CFAP299: variants seen among roughly 807,000 people sequenced by gnomAD.
CFAP299 encodes the protein cilia and flagella associated protein 299, also known as cilia- and flagella-associated protein 299.
In CFAP299, 21 loss-of-function variants were observed where a neutral mutation model predicts 27.0. The ratio of observed to expected loss-of-function variants is 0.78; its 90% CI spans 0.55 to 1.12. The LOEUF is 1.12. Among genes scored for constraint, CFAP299 ranks in the 50% most tolerant of loss-of-function variants. The pLI, the probability that CFAP299 is intolerant of heterozygous loss-of-function variation, is 0.00. For synonymous variants in CFAP299, 104 were observed against 98.1 expected (o/e 1.06, Z -0.36); for missense variants, 310 against 276.6 (o/e 1.12, Z -0.86).
chr4:80,928,370 C>A (rs1736407557), intron 4 of CFAP299, among the ~76,000 whole-genome samples: 1 of 152,076 alleles, frequency 6.6e-6, no homozygotes, highest in Non-Finnish European at 1.5e-5. Flanking sequence ...TCCCATTATA[C>A]TGATTTCTTT....
At chr4:80,428,972 A>G (rs79950287) in intron 2 of CFAP299, among the ~76,000 whole-genome samples, 2,178 of 152,266 alleles carry the variant, frequency 0.014, 58 homozygotes, top group African/African-American at 0.049. Context: ...GATTCATTCT[A>G]TTTGGCAAGA....
intron 4 of CFAP299, chr4:80,872,237 G>C (rs770223119): frequency 6.6e-6 from 1 of 152,040 alleles, no homozygotes; most frequent in South Asian, 2.1e-4. Flanking sequence ...TCCTGAGCTC[G>C]ATCAGTAGGT....
At chr4:80,737,255 T>C (rs1723960783) in intron 3 of CFAP299, among the ~76,000 whole-genome samples, 1 of 151,770 alleles carries the variant, frequency 6.6e-6, no homozygotes, top group Non-Finnish European at 1.5e-5. Context: ...ATGTCACATG[T>C]ATACATATGT....
intron 2 of CFAP299, among the ~76,000 whole-genome samples, chr4:80,461,670 G>A (rs1348422750): frequency 1.3e-5 from 2 of 152,040 alleles, no homozygotes; most frequent in African/African-American, 4.8e-5. Flanking sequence ...CTAAGGGAGT[G>A]GTCCATTCAG....
In CFAP299 at chr4:80,362,837, G is replaced by A; in HGVS notation, c.195G>A (p.Arg65=). ...ERVKREDFEA[R]KAAIEIARLA... is the part of the protein sequence containing the mutation. ...TGAAAAGGGAAGATTTTGAAGCAAG[G>A]AAAGCGGCTATAGAGATTGCAAGAC... is the stretch of plus-strand genomic sequence containing the variant. Residue 65 remains arginine, a synonymous_variant, in exon 2 of 6, where the codon AGG becomes AGA. Transcript: ENST00000358105. 2.5e-6 allele frequency: 4 copies of A among 1,613,272 alleles called. No homozygotes were observed. The South Asian group carries it at 4.4e-5, about 18-fold the overall frequency.
intron 4 of CFAP299, chr4:80,871,501 G>A (rs2110169022): frequency 1.0e-6 from 1 of 985,274 alleles, no homozygotes; most frequent in Non-Finnish European, 1.2e-6. Flanking sequence ...TAAAACTTAT[G>A]TTCAAAATTA....
At chr4:80,818,425 T>C (rs868285331) in intron 3 of CFAP299, among the ~76,000 whole-genome samples, 4 of 152,312 alleles carry the variant, frequency 2.6e-5, no homozygotes, top group Middle Eastern at 3.4e-3. Flanking sequence ...TACCTCTTTG[T>C]ATAATAGATT....
At chr4:80,657,706 G>A (rs1165292450) in intron 3 of CFAP299, among the ~76,000 whole-genome samples, 1 of 151,934 alleles carries the variant, frequency 6.6e-6, no homozygotes, top group East Asian at 1.9e-4. Flanking sequence ...GTCTTTGCTA[G>A]ATGGGCTCTT....
chr4:80,865,972 G>C (rs1021723181), intron 3 of CFAP299, among the ~76,000 whole-genome samples: 3 of 146,434 alleles, frequency 2.0e-5, no homozygotes, highest in Admixed American at 7.0e-5. Context: ...TAAGGTAAAT[G>C]ACGAGTTAAT....
At chr4:80,670,008 C>G (rs1325078093) in intron 3 of CFAP299, among the ~76,000 whole-genome samples, 1 of 149,876 alleles carries the variant, frequency 6.7e-6, no homozygotes, top group Non-Finnish European at 1.5e-5. Context: ...TAAAAATATA[C>G]TTTAAGTTCT....
At chr4:80,569,517 A>C (rs547634026) in intron 2 of CFAP299, among the ~76,000 whole-genome samples, 1 of 152,034 alleles carries the variant, frequency 6.6e-6, no homozygotes, top group Non-Finnish European at 1.5e-5. Context: ...GTAATTCACA[A>C]CAAAGATAAA....
At chr4:80,687,753 T>C (rs923712646) in intron 3 of CFAP299, among the ~76,000 whole-genome samples, 6 of 152,148 alleles carry the variant, frequency 3.9e-5, no homozygotes, top group African/African-American at 4.8e-5. Flanking sequence ...AGACAGGTGA[T>C]TTCTGCATTT....
chr4:80,390,701 A>G (rs928035305), intron 2 of CFAP299, among the ~76,000 whole-genome samples: 3 of 145,940 alleles, frequency 2.1e-5, no homozygotes, highest in Non-Finnish European at 4.5e-5. Context: ...ATGTGTATAT[A>G]TGTATATATG....
intron 1 of CFAP299, among the ~76,000 whole-genome samples, chr4:80,340,864 C>T (rs1430633529): frequency 6.6e-6 from 1 of 152,070 alleles, no homozygotes; most frequent in Non-Finnish European, 1.5e-5. Context: ...CAACCTCCGC[C>T]TCTCAGGTTC....
intron 4 of CFAP299, among the ~76,000 whole-genome samples, chr4:80,942,171 A>G (rs934341154): frequency 6.6e-6 from 1 of 152,232 alleles, no homozygotes; most frequent in Non-Finnish European, 1.5e-5. Flanking sequence ...CCATGGTTGT[A>G]GTCTGGAGGT....
At chr4:80,799,806 TATA>T (rs1473267522) in intron 3 of CFAP299, among the ~76,000 whole-genome samples, 5 of 31,460 alleles carry the variant, frequency 1.6e-4, no homozygotes. Flanking sequence ...TTATATAATA[TATA>T]AATATATATA....
At chr4:80,949,345 T>C (rs952249975) in intron 5 of CFAP299, among the ~76,000 whole-genome samples, 4 of 152,018 alleles carry the variant, frequency 2.6e-5, no homozygotes, top group African/African-American at 9.7e-5. Context: ...AGAAATACTT[T>C]TGGAATTCAG....
chr4:80,954,026 C>T lies in CFAP299; in HGVS notation c.606+9087C>T, dbSNP rs1304618743. Among the ~76,000 whole-genome samples, 3 of 152,148 alleles carry T rather than the reference C, an allele frequency of 2.0e-5. No homozygotes were observed. In the East Asian group the frequency reaches 5.8e-4, roughly 29 times the overall value. On this transcript the variant is annotated intron_variant, in intron 5 of 5. Coordinates refer to ENST00000358105, the MANE Select transcript of CFAP299 (RefSeq NM_152770.3). ...GGAAGAGAGCTTTAGACACAGTTCA[C>T]GCTCACTTTCTCACAAAATGTATTA...
intron 2 of CFAP299, among the ~76,000 whole-genome samples, chr4:80,484,918 A>G (rs1240635131): frequency 6.6e-6 from 1 of 152,040 alleles, no homozygotes; most frequent in Non-Finnish European, 1.5e-5. Context: ...TTATAGAAAA[A>G]CCTCAGCTGT....
Sources: gnomAD v4.1 joint callset for allele counts (sites outside exome capture counted in the v4.1 genomes callset) on GRCh38, gnomAD v4.1.1 for gene constraint, MANE v1.5 for transcripts, NCBI Gene and HGNC (gene_info 2026-07-23, HGNC 2026-07-21) for gene names.